TPD52L1: variants seen among roughly 807,000 people sequenced by gnomAD.
TPD52L1 encodes the protein tumor protein D53.
A neutral mutation model predicts 28.7 loss-of-function variants in TPD52L1; 18 were observed. That is an observed-to-expected ratio of 0.63 (90% CI 0.43 to 0.93). TPD52L1 has a LOEUF of 0.93. Ranked by LOEUF, TPD52L1 falls within the 40% of genes least tolerant of loss-of-function variation. The pLI, the probability that TPD52L1 is intolerant of heterozygous loss-of-function variation, is 0.00. For synonymous variants in TPD52L1, 75 were observed against 88.8 expected, an observed-to-expected ratio of 0.84 and a Z score of 0.88; for missense variants, 203 against 254.8, an observed-to-expected ratio of 0.80 and a Z score of 1.39.
At chr6:125,155,787 G>A (rs1790079603) in intron 1 of TPD52L1, among the ~76,000 whole-genome samples, 1 of 152,164 alleles carries the variant, frequency 6.6e-6, no homozygotes, top group African/African-American at 2.4e-5. Context: ...TGTTCTTCGT[G>A]CTTTGCATGT....
intron 3 of TPD52L1, 119 bp from the exon 4 acceptor site, chr6:125,248,163 G>A: frequency 2.5e-6 from 2 of 806,634 alleles, no homozygotes; most frequent in East Asian, 2.7e-5. Flanking sequence ...GTGGTTTTGT[G>A]GATCTTCTTC....
chr6:125,197,043 A>G (rs1284202543), intron 1 of TPD52L1, among the ~76,000 whole-genome samples: 1 of 152,220 alleles, frequency 6.6e-6, no homozygotes, highest in Non-Finnish European at 1.5e-5. Flanking sequence ...GATTTTTCCC[A>G]AGCTTTTCTA....
intron 1 of TPD52L1, among the ~76,000 whole-genome samples, chr6:125,202,813 T>C (rs1204243291): frequency 7.6e-6 from 1 of 131,414 alleles, no homozygotes; most frequent in Non-Finnish European, 1.5e-5. Context: ...TCACCCAGGC[T>C]GGAGTGCAGT....
chr6:125,233,951 G>A (rs921837802), intron 3 of TPD52L1, among the ~76,000 whole-genome samples: 9 of 152,132 alleles, frequency 5.9e-5, no homozygotes, highest in African/African-American at 1.7e-4. Flanking sequence ...CCCTGTTGGC[G>A]TGCTGGTCAA....
At chr6:125,175,820 A>C (rs969078020) in intron 1 of TPD52L1, among the ~76,000 whole-genome samples, 2 of 151,408 alleles carry the variant, frequency 1.3e-5, no homozygotes, top group African/African-American at 4.9e-5. Context: ...GAAAGAGGTC[A>C]CTGGACAGCT....
intron 1 of TPD52L1, among the ~76,000 whole-genome samples, chr6:125,189,724 A>T (rs1792903758): frequency 6.6e-6 from 1 of 152,170 alleles, no homozygotes; most frequent in African/African-American, 2.4e-5. Flanking sequence ...GCCTCCTTTC[A>T]CTATTCTCAT....
At chr6:125,198,178 T>C (rs1793568861) in intron 1 of TPD52L1, among the ~76,000 whole-genome samples, 1 of 152,154 alleles carries the variant, frequency 6.6e-6, no homozygotes, top group Admixed American at 6.5e-5. Context: ...GGTCTGGAGT[T>C]AGTTTCCTGA....
intron 1 of TPD52L1, among the ~76,000 whole-genome samples, chr6:125,189,531 T>G (rs1035999458): frequency 5.3e-5 from 8 of 152,236 alleles, no homozygotes; most frequent in Admixed American, 3.9e-4. Flanking sequence ...ATAAGACACA[T>G]TTTTAGATAT....
At chr6:125,239,939 T>C (rs1428671812) in intron 3 of TPD52L1, among the ~76,000 whole-genome samples, 1 of 152,202 alleles carries the variant, frequency 6.6e-6, no homozygotes, top group Non-Finnish European at 1.5e-5. Flanking sequence ...TGTTATCCTC[T>C]AGAATTTTTA....
At chr6:125,259,815 C>T (rs569645207) in intron 6 of TPD52L1, 10 of 152,226 alleles carry the variant, frequency 6.6e-5, no homozygotes, top group Admixed American at 2.6e-4. Flanking sequence ...ATGCAAAGAA[C>T]GATTATAATT....
chr6:125,172,496 A>T (rs1791476685), intron 1 of TPD52L1, among the ~76,000 whole-genome samples: 1 of 75,798 alleles, frequency 1.3e-5, no homozygotes, highest in Non-Finnish European at 2.4e-5. Context: ...TTTAGCAGCT[A>T]TTTCCCTCTT....
rs1470859609 is a variant in TPD52L1, at chr6:125,184,490, C to G, written c.19+30520C>G. Among the ~76,000 whole-genome samples the G allele has an allele frequency of 2.0e-5, 3 of 152,270 alleles. No individual in the cohort carries two copies. The East Asian group carries it at 5.8e-4, about 29-fold the overall frequency. ...CAAAGTTACCTTTTGGTCTGTGGCT[C>G]CAAAGAGGCCAGCTTCCAGCACTTT... is the stretch of plus-strand genomic sequence containing the variant. On this transcript the variant is annotated intron_variant, in intron 1 of 6. Coordinates refer to ENST00000534000, the MANE Select transcript of TPD52L1 (RefSeq NM_003287.4).
chr6:125,239,588 C>T (rs1220342425), intron 3 of TPD52L1, among the ~76,000 whole-genome samples: 2 of 152,190 alleles, frequency 1.3e-5, no homozygotes, highest in Non-Finnish European at 2.9e-5. Context: ...TCCCACAACA[C>T]GTAGAACTTA....
At chr6:125,237,473 G>A (rs80055731) in intron 3 of TPD52L1, among the ~76,000 whole-genome samples, 6,562 of 152,252 alleles carry the variant, frequency 0.043, 485 homozygotes, top group African/African-American at 0.15. Context: ...AAAGGTTAAA[G>A]ATGATGCTAG....
chr6:125,169,154 C>T (rs373276593), intron 1 of TPD52L1, among the ~76,000 whole-genome samples: 2 of 152,096 alleles, frequency 1.3e-5, no homozygotes, highest in African/African-American at 4.8e-5. Flanking sequence ...CCTTAAAGCA[C>T]TTTGTTCACT....
At chr6:125,240,213 T>A (rs1796537796) in intron 3 of TPD52L1, among the ~76,000 whole-genome samples, 1 of 152,224 alleles carries the variant, frequency 6.6e-6, no homozygotes, top group African/African-American at 2.4e-5. Flanking sequence ...ACCATGCTAT[T>A]TTGGTAACTA....
chr6:125,200,529 G>A (rs1793737334), intron 1 of TPD52L1, among the ~76,000 whole-genome samples: 1 of 152,120 alleles, frequency 6.6e-6, no homozygotes, highest in Admixed American at 6.5e-5. Flanking sequence ...AAGTAATACA[G>A]AGGAATATAA....
At chr6:125,204,335 T>C (rs1030671424) in intron 1 of TPD52L1, among the ~76,000 whole-genome samples, 4 of 152,214 alleles carry the variant, frequency 2.6e-5, no homozygotes, top group Admixed American at 2.0e-4. Flanking sequence ...GTAGAGCTGG[T>C]ATACTGATGC....
At chr6:125,157,362 T>C (rs947477821) in intron 1 of TPD52L1, among the ~76,000 whole-genome samples, 4 of 152,202 alleles carry the variant, frequency 2.6e-5, no homozygotes, top group Admixed American at 2.0e-4. Context: ...ATTATGCAAA[T>C]ATGTTCTTTG....
Sources: allele counts gnomAD v4.1 joint callset (sites outside exome capture counted in the v4.1 genomes callset), GRCh38; gene constraint gnomAD v4.1.1; transcripts MANE v1.5; gene names NCBI Gene and HGNC (gene_info 2026-07-23, HGNC 2026-07-21).